CDC42BPA: variants seen among roughly 807,000 people sequenced by gnomAD.
CDC42BPA encodes serine/threonine-protein kinase MRCK alpha.
Under a neutral mutation model 223.5 loss-of-function variants are expected in CDC42BPA, and 80 were observed. The ratio of observed to expected loss-of-function variants is 0.36; its 90% CI spans 0.30 to 0.43. The LOEUF is 0.43. Among genes scored for constraint, CDC42BPA ranks in the 20% least tolerant of loss-of-function variants. The probability of loss-of-function intolerance (pLI) is 1.00; values close to 1 mark genes in which losing one functional copy is unlikely to be tolerated. For missense variants in CDC42BPA, 1,743 were observed against 2,099.9 expected, an observed-to-expected ratio of 0.83 and a Z score of 3.32; for synonymous variants, 694 against 718.6, an observed-to-expected ratio of 0.97 and a Z score of 0.55.
intron 31 of CDC42BPA, among the ~76,000 whole-genome samples, chr1:227,024,594 T>C (rs1667914742): frequency 2.0e-5 from 3 of 152,198 alleles, no homozygotes; most frequent in African/African-American, 7.2e-5. Flanking sequence ...CAGAATATTT[T>C]ATAGTACTGA....
At chr1:227,145,105 G>A (rs974202995) in intron 8 of CDC42BPA, among the ~76,000 whole-genome samples, 5 of 151,918 alleles carry the variant, frequency 3.3e-5, no homozygotes, top group African/African-American at 9.7e-5. Flanking sequence ...TGTTGTATCA[G>A]GCCCTGACAT....
chr1:227,067,612 G>A (rs1677365123), intron 21 of CDC42BPA, among the ~76,000 whole-genome samples: 1 of 152,050 alleles, frequency 6.6e-6, no homozygotes, highest in Non-Finnish European at 1.5e-5. Flanking sequence ...GTTAACCAGA[G>A]TAATTATTTG....
chr1:227,194,245 A>T (rs1360112756), intron 4 of CDC42BPA, among the ~76,000 whole-genome samples: 1 of 152,204 alleles, frequency 6.6e-6, no homozygotes, highest in Non-Finnish European at 1.5e-5. Flanking sequence ...ACAGCTTTCC[A>T]AGATTTTAGA....
At chr1:227,095,203 A>G (rs764425782) in intron 15 of CDC42BPA, among the ~76,000 whole-genome samples, 27 of 152,222 alleles carry the variant, frequency 1.8e-4, no homozygotes, top group Non-Finnish European at 2.9e-4. Context: ...TATACTTAAT[A>G]ACATCTATTT....
intron 20 of CDC42BPA, among the ~76,000 whole-genome samples, chr1:227,070,138 G>C (rs1242054475): frequency 2.0e-5 from 3 of 151,582 alleles, no homozygotes; most frequent in Non-Finnish European, 3.0e-5. Flanking sequence ...TAAATCTTTT[G>C]GTAGGCTTGA....
At chr1:227,190,946 T>C (rs925294084) in intron 5 of CDC42BPA, among the ~76,000 whole-genome samples, 1 of 152,068 alleles carries the variant, frequency 6.6e-6, no homozygotes, top group Non-Finnish European at 1.5e-5. Context: ...ACTAGAGATG[T>C]TTAGATGTTT....
At chr1:227,268,740 T>C (rs1411044312) in intron 1 of CDC42BPA, among the ~76,000 whole-genome samples, 1 of 150,928 alleles carries the variant, frequency 6.6e-6, no homozygotes, top group South Asian at 2.1e-4. Context: ...GGCTGGAGTG[T>C]ACTGGCGTGA....
In CDC42BPA at chr1:227,264,708, A is replaced by G. The variant is rs1460202504; in HGVS notation, c.179-10553T>C. On this transcript the variant is annotated intron_variant, in intron 1 of 36. Coordinates refer to ENST00000366766, the MANE Select transcript of CDC42BPA (RefSeq NM_001394014.1). ...AAGGTAAGAGGCTTTAACATGAGAA[A>G]TAAAATATATGCCAGTCCATTATGT... is the stretch of plus-strand genomic sequence containing the variant. 1.5e-5 allele frequency: 10 copies of G among 684,098 alleles called. No individual in the cohort carries two copies. In the East Asian group the frequency reaches 2.5e-4, roughly 17 times the overall value. The allele number at this position is 684,098 out of a possible 1,614,324, so 42.4% of individuals were successfully genotyped here.
At chr1:226,996,369 C>G (rs1661601975) in intron 35 of CDC42BPA, among the ~76,000 whole-genome samples, 1 of 152,176 alleles carries the variant, frequency 6.6e-6, no homozygotes, top group African/African-American at 2.4e-5. Flanking sequence ...AGATTTTGGA[C>G]TGAGATGAAG....
At chr1:227,138,584 C>T (rs1659097254) in intron 10 of CDC42BPA, among the ~76,000 whole-genome samples, 1 of 145,648 alleles carries the variant, frequency 6.9e-6, no homozygotes, top group Admixed American at 6.8e-5. Flanking sequence ...TCAAATATTG[C>T]TGATAGGTTA....
intron 14 of CDC42BPA, among the ~76,000 whole-genome samples, chr1:227,110,600 G>A (rs1467276271): frequency 6.6e-6 from 1 of 152,084 alleles, no homozygotes; most frequent in African/African-American, 2.4e-5. Context: ...TAAAAATAAT[G>A]CCTAAGATTT....
intron 23 of CDC42BPA, among the ~76,000 whole-genome samples, chr1:227,040,561 T>C (rs1671166604): frequency 6.6e-6 from 1 of 152,188 alleles, no homozygotes; most frequent in Admixed American, 6.5e-5. Flanking sequence ...CAAATTATTG[T>C]TCAGCAAATA....
intron 1 of CDC42BPA, among the ~76,000 whole-genome samples, chr1:227,263,677 G>T (rs1442629970): frequency 2.0e-5 from 3 of 151,428 alleles, no homozygotes; most frequent in Non-Finnish European, 4.4e-5. Flanking sequence ...CGCCTCCCAG[G>T]TTCAGGTGAT....
intron 17 of CDC42BPA, among the ~76,000 whole-genome samples, chr1:227,080,255 TAC>T (rs10543868): frequency 0.2 from 30,331 of 152,016 alleles, 3,112 homozygotes; most frequent in East Asian, 0.26. Flanking sequence ...TACTTGGAAA[TAC>T]AGTCTTCATT....
intron 5 of CDC42BPA, among the ~76,000 whole-genome samples, chr1:227,185,555 C>G (rs1668631849): frequency 6.6e-6 from 1 of 152,164 alleles, no homozygotes. Context: ...GCCCTGAGCT[C>G]TATGCAAATC....
intron 5 of CDC42BPA, among the ~76,000 whole-genome samples, chr1:227,193,320 A>G (rs1484602702): frequency 6.6e-6 from 1 of 151,956 alleles, no homozygotes; most frequent in Non-Finnish European, 1.5e-5. Flanking sequence ...TTGACCTCCC[A>G]AAGTGCTGGG....
intron 1 of CDC42BPA, among the ~76,000 whole-genome samples, chr1:227,307,731 G>A (rs575259886): frequency 9.9e-5 from 15 of 152,192 alleles, no homozygotes; most frequent in South Asian, 2.1e-4. Context: ...CGTTTGTGTC[G>A]TACTGTCAGG....
intron 34 of CDC42BPA, among the ~76,000 whole-genome samples, chr1:227,008,511 A>G (rs1008253712): frequency 1.1e-4 from 16 of 152,236 alleles, no homozygotes; most frequent in African/African-American, 3.9e-4. Flanking sequence ...ATAAAAGTCT[A>G]GAACTGGAAA....
chr1:227,193,957 G>C, intron 4 of CDC42BPA, 23 bp from the exon 5 acceptor site: 1 of 1,572,472 alleles, frequency 6.4e-7, no homozygotes, highest in Non-Finnish European at 8.6e-7. Flanking sequence ...AAAATAAAAT[G>C]TACTCAGTAA....
Sources: gnomAD v4.1 joint callset for allele counts (sites outside exome capture counted in the v4.1 genomes callset) on GRCh38, gnomAD v4.1.1 for gene constraint, MANE v1.5 for transcripts, NCBI Gene and HGNC (gene_info 2026-07-23, HGNC 2026-07-21) for gene names.